The following SHTN1 variants were observed in gnomAD, a reference collection of about 807,000 sequenced individuals.
SHTN1 encodes shootin-1.
Under a neutral mutation model 83.1 loss-of-function variants are expected in SHTN1, and 42 were observed. The ratio of observed to expected loss-of-function variants is 0.51; its 90% CI spans 0.39 to 0.65. The LOEUF (loss-of-function observed/expected upper bound fraction) is 0.65. Among genes scored for constraint, SHTN1 ranks in the 30% least tolerant of loss-of-function variants. The probability of loss-of-function intolerance (pLI) is 0.00; values close to 1 mark genes in which losing one functional copy is unlikely to be tolerated. For missense variants in SHTN1, 622 were observed against 737.8 expected (o/e 0.84, Z 1.82); for synonymous variants, 224 against 247.7 (o/e 0.90, Z 0.90).
chr10:117,012,523 G>C (rs900277277), intron 2 of SHTN1, among the ~76,000 whole-genome samples: 2 of 152,038 alleles, frequency 1.3e-5, no homozygotes, highest in Admixed American at 1.3e-4. Flanking sequence ...TTCAAAACTT[G>C]GTGCTAGATC....
chr10:117,091,744 C>T (rs1034554926), intron 1 of SHTN1, among the ~76,000 whole-genome samples: 18 of 152,132 alleles, frequency 1.2e-4, no homozygotes, highest in African/African-American at 4.3e-4. Context: ...GGTCCCTTGC[C>T]CTACTTTACA....
At chr10:117,088,271 T>C (rs1853379498) in intron 1 of SHTN1, among the ~76,000 whole-genome samples, 1 of 152,188 alleles carries the variant, frequency 6.6e-6, no homozygotes, top group South Asian at 2.1e-4. Context: ...ACCAGCTACC[T>C]CAGTTCACTA....
At chr10:117,103,337 C>G (rs1346862349) in intron 1 of SHTN1, among the ~76,000 whole-genome samples, 1 of 151,830 alleles carries the variant, frequency 6.6e-6, no homozygotes. Flanking sequence ...GTGATCTGCC[C>G]GCCTCAGCTT....
At chr10:117,087,351 TCA>T (rs937213476) in intron 1 of SHTN1, among the ~76,000 whole-genome samples, 3 of 152,328 alleles carry the variant, frequency 2.0e-5, no homozygotes, top group African/African-American at 7.2e-5. Context: ...TACAAAGATT[TCA>T]CACACAGAAA....
intron 2 of SHTN1, among the ~76,000 whole-genome samples, chr10:117,024,348 C>CTTTTTTTTT (rs1174576153): frequency 3.9e-5 from 3 of 77,708 alleles, no homozygotes; most frequent in East Asian, 3.9e-4. Context: ...CAAAACTTTT[C>CTTTTTTTTT]TTTTTTTTTT....
intron 8 of SHTN1, among the ~76,000 whole-genome samples, chr10:116,943,639 C>T (rs1480554756): frequency 6.6e-6 from 1 of 152,230 alleles, no homozygotes; most frequent in Non-Finnish European, 1.5e-5. Flanking sequence ...ATCAGATCTA[C>T]TTGGCCTAAA....
chr10:116,909,421 C>G (rs2133342405), intron 14 of SHTN1, among the ~76,000 whole-genome samples: 1 of 152,258 alleles, frequency 6.6e-6, no homozygotes, highest in South Asian at 2.1e-4. Context: ...CTTTGATTTA[C>G]AGCCAACTGA....
chr10:116,969,150 G>A (rs753455133), intron 2 of SHTN1, among the ~76,000 whole-genome samples: 1 of 152,194 alleles, frequency 6.6e-6, no homozygotes, highest in African/African-American at 2.4e-5. Flanking sequence ...CCGCAGGCCA[G>A]GCGTGGTGGC....
At chr10:117,035,253 A>G (rs1464283118) in intron 2 of SHTN1, among the ~76,000 whole-genome samples, 1 of 152,232 alleles carries the variant, frequency 6.6e-6, no homozygotes, top group African/African-American at 2.4e-5. Flanking sequence ...TCTCTTCAAT[A>G]AATGGTATTG....
chr10:116,940,824 A>G (rs1012031408), intron 8 of SHTN1, among the ~76,000 whole-genome samples: 3 of 152,190 alleles, frequency 2.0e-5, no homozygotes, highest in African/African-American at 4.8e-5. Context: ...AGATATTTAT[A>G]CAATAAGCTG....
chr10:117,033,719 A>G (rs1852454452), intron 2 of SHTN1, among the ~76,000 whole-genome samples: 1 of 78,826 alleles, frequency 1.3e-5, no homozygotes, highest in East Asian at 2.4e-4. Context: ...ACAAAGGCAC[A>G]TCAAAAAAAA....
chr10:116,927,365 G>A (rs370468089), intron 11 of SHTN1, among the ~76,000 whole-genome samples: 13 of 152,194 alleles, frequency 8.5e-5, no homozygotes, highest in South Asian at 4.2e-4. Context: ...CCCGAGACTC[G>A]GTAATTATAA....
At position 116,883,990 on chromosome 10, in the gene SHTN1, C is replaced by T. The variant is rs1040227682; in HGVS notation, c.*2354G>A. The T allele has an allele frequency of 1.8e-5, 4 of 224,848 alleles. No individual in the cohort carries two copies. The highest frequency in any genetic ancestry group is 5.1e-5 in the Admixed American group (1 of 19,508). 13.9% of individuals were successfully genotyped at this position (224,848 alleles called of 1,614,324 possible). Reference sequence around the variant, plus strand: ...AGTACCTCTATCTCTGTTCCTCACTCGGGCTATAAAATGCATCAACATTCG... The same window carrying T: ...AGTACCTCTATCTCTGTTCCTCACTTGGGCTATAAAATGCATCAACATTCG... On this transcript the variant is annotated 3_prime_UTR_variant, in exon 17 of 17. Coordinates refer to ENST00000355371, the MANE Select transcript of SHTN1 (RefSeq NM_001127211.3).
At chr10:116,901,021 A>C (rs1256913607) in intron 16 of SHTN1, 1 of 985,316 alleles carries the variant, frequency 1.0e-6, no homozygotes, top group Non-Finnish European at 1.2e-6. Context: ...TCTTGATAGG[A>C]CAGGAAATCA....
At chr10:117,032,325 T>G (rs890700207) in intron 2 of SHTN1, among the ~76,000 whole-genome samples, 1 of 152,126 alleles carries the variant, frequency 6.6e-6, no homozygotes, top group African/African-American at 2.4e-5. Flanking sequence ...TGCCTCAGCT[T>G]CCTGAGTAGC....
intron 2 of SHTN1, among the ~76,000 whole-genome samples, chr10:117,029,844 T>TTCTC (rs775526943): frequency 2.0e-5 from 3 of 148,132 alleles, no homozygotes; most frequent in African/African-American, 5.1e-5. Flanking sequence ...CTTTCTTTCT[T>TTCTC]TCTCTCTCTC....
At chr10:116,932,004 G>C (rs575512495) in intron 9 of SHTN1, among the ~76,000 whole-genome samples, 3 of 152,300 alleles carry the variant, frequency 2.0e-5, no homozygotes, top group African/African-American at 7.2e-5. Context: ...AGGATGGTTT[G>C]AGATAGTTTT....
At chr10:117,039,319 G>A (rs939899806) in intron 2 of SHTN1, among the ~76,000 whole-genome samples, 3 of 152,192 alleles carry the variant, frequency 2.0e-5, no homozygotes, top group Admixed American at 2.0e-4. Flanking sequence ...GTTGCCAGAG[G>A]TAATGGGGTG....
intron 3 of SHTN1, among the ~76,000 whole-genome samples, chr10:116,961,356 C>T (rs1227542289): frequency 1.3e-5 from 2 of 152,110 alleles, no homozygotes; most frequent in African/African-American, 4.8e-5. Flanking sequence ...TAAAGCAGCA[C>T]TAAATGGCCA....
Sources: gnomAD v4.1 joint callset for allele counts (sites outside exome capture counted in the v4.1 genomes callset) on GRCh38, gnomAD v4.1.1 for gene constraint, MANE v1.5 for transcripts, NCBI Gene and HGNC (gene_info 2026-07-23, HGNC 2026-07-21) for gene names.